Variants in RBFOX3 observed in about 807,000 individuals in gnomAD.
The protein encoded by RBFOX3 is RNA binding protein fox-1 homolog 3.
Under a neutral mutation model 48.7 loss-of-function variants are expected in RBFOX3, and 17 were observed. The ratio of observed to expected loss-of-function variants is 0.35; its 90% CI spans 0.24 to 0.52. The LOEUF is 0.52. RBFOX3 is among the 20% of genes least tolerant of loss of function. The pLI is 0.94. For synonymous variants in RBFOX3, 212 were observed against 209.5 expected, an observed-to-expected ratio of 1.01 and a Z score of -0.10; for missense variants, 382 against 497.5, an observed-to-expected ratio of 0.77 and a Z score of 2.21.
chr17:79,255,222 C>CGT (rs142604866), intron 3 of RBFOX3, among the ~76,000 whole-genome samples: 37,630 of 147,280 alleles, frequency 0.26, 4,727 homozygotes, highest in Middle Eastern at 0.35. Flanking sequence ...CACATGTGTG[C>CGT]GTGTGTGTGT....
chr17:79,106,886 C>CT, intron 5 of RBFOX3, 98 bp from the exon 6 acceptor site: 1 of 1,407,400 alleles, frequency 7.1e-7, no homozygotes, highest in African/African-American at 1.5e-5. Flanking sequence ...CCAGATTCTC[C>CT]CCACCCTTCT....
intron 1 of RBFOX3, among the ~76,000 whole-genome samples, chr17:79,565,480 C>A (rs1039890994): frequency 6.6e-6 from 1 of 152,028 alleles, no homozygotes; most frequent in East Asian, 1.9e-4. Context: ...GCTGAGATTA[C>A]AGGCATGCAC....
chr17:79,097,676 C>T lies in RBFOX3; in HGVS notation c.622+16G>A. 2 of 1,542,294 alleles carry T rather than the reference C, an allele frequency of 1.3e-6. No individual in the cohort carries two copies. The highest frequency in any genetic ancestry group is 1.8e-6 in the Non-Finnish European group (2 of 1,139,340). ...TAGCTGGTCTCATCCCATCCCCGCC[C>T]CGCCCCAGCTTTTACCTGCATAGAA... is the stretch of plus-strand genomic sequence containing the variant. On this transcript the variant is annotated intron_variant, in intron 10 of 14. Transcript: ENST00000693108.
At chr17:79,110,871 A>G (rs182760702) in intron 5 of RBFOX3, among the ~76,000 whole-genome samples, 94 of 152,276 alleles carry the variant, frequency 6.2e-4, no homozygotes, top group African/African-American at 2.2e-3. Context: ...ATCTCAGCTG[A>G]GCCTCACTGT....
intron 1 of RBFOX3, among the ~76,000 whole-genome samples, chr17:79,517,976 C>A (rs1341017782): frequency 6.6e-6 from 1 of 152,136 alleles, no homozygotes; most frequent in African/African-American, 2.4e-5. Context: ...AGAAACCGAA[C>A]GAGACTCCCA....
intron 2 of RBFOX3, among the ~76,000 whole-genome samples, chr17:79,409,590 G>A (rs1170944560): frequency 6.6e-6 from 1 of 151,974 alleles, no homozygotes; most frequent in African/African-American, 2.4e-5. Flanking sequence ...AAGTCCATAA[G>A]GCATGTGCAG....
At chr17:79,452,826 C>CG (rs1317770210) in intron 2 of RBFOX3, among the ~76,000 whole-genome samples, 2 of 152,180 alleles carry the variant, frequency 1.3e-5, no homozygotes, top group African/African-American at 4.8e-5. Flanking sequence ...TTGCACAACC[C>CG]GGGGGCATTG....
At chr17:79,320,014 T>C (rs1462428610) in intron 2 of RBFOX3, among the ~76,000 whole-genome samples, 1 of 150,368 alleles carries the variant, frequency 6.7e-6, no homozygotes, top group Non-Finnish European at 1.5e-5. Context: ...GGGCTGCTGG[T>C]CCTTTCTGGG....
rs564935707 is a variant in RBFOX3, at chr17:79,249,297, AAGTC to A, written c.-73-13496_-73-13493del. Among the ~76,000 whole-genome samples, 145 of 152,144 alleles carry A rather than the reference AAGTC, an allele frequency of 9.5e-4. No individual in the cohort carries two copies. The highest frequency in any genetic ancestry group is 1.9e-3 in the Non-Finnish European group (129 of 67,986). On this transcript the variant is annotated intron_variant, in intron 3 of 14. Transcript: ENST00000693108. This position sits in a 1 kb window ranked among gnomAD's most constrained non-coding sequence, Gnocchi z 4.1. ...CTAGTGAGATGCTGAGCTGTGAACA[AAGTC>A]AGAGTCCACTCATAACCACCTCCCT...
At position 79,390,906 on chromosome 17, in the gene RBFOX3, G is replaced by A. The variant is rs1030385574; in HGVS notation, c.-174-83082C>T. 6.6e-6 allele frequency among the ~76,000 whole-genome samples: 1 copy of A among 152,160 alleles called. No individual in the cohort carries two copies. Among genetic ancestry groups the A allele is most frequent in the East Asian group, 1.9e-4 (1 of 5,180 alleles). ...GGATGAGCCCCTGGTGGGACTGCTC[G>A]GGTGCCGGCAGGGAGTTCCTGGACC... is the stretch of plus-strand genomic sequence containing the variant. On this transcript the variant is annotated intron_variant, in intron 2 of 14. Coordinates refer to ENST00000693108, the MANE Select transcript of RBFOX3 (RefSeq NM_001350451.2). The surrounding 1 kb of genome is among the most constrained non-coding windows in gnomAD (Gnocchi z 4.2).
At chr17:79,317,311 C>T (rs1017974921) in intron 2 of RBFOX3, among the ~76,000 whole-genome samples, 11 of 152,240 alleles carry the variant, frequency 7.2e-5, no homozygotes, top group South Asian at 2.1e-4. Context: ...TCAAACAGAA[C>T]GGCCATAAGG....
chr17:79,575,319 A>C (rs1035001431), intron 1 of RBFOX3, among the ~76,000 whole-genome samples: 5 of 152,236 alleles, frequency 3.3e-5, no homozygotes, highest in Admixed American at 3.3e-4. Context: ...AGTACATGGG[A>C]TAGGGGGGCA....
intron 1 of RBFOX3, among the ~76,000 whole-genome samples, chr17:79,532,692 A>G (rs2087992749): frequency 6.6e-6 from 1 of 152,184 alleles, no homozygotes; most frequent in South Asian, 2.1e-4. Flanking sequence ...AAGGGTGGAA[A>G]GGGGTTGTGG....
At chr17:79,396,072 C>T (rs1598507220) in intron 2 of RBFOX3, among the ~76,000 whole-genome samples, 1 of 152,358 alleles carries the variant, frequency 6.6e-6, no homozygotes, top group African/African-American at 2.4e-5. Flanking sequence ...TGAGTCCTTC[C>T]CCAGAACTCT....
At chr17:79,093,305 GAAC>G (rs764357632) in intron 14 of RBFOX3, among the ~76,000 whole-genome samples, 3 of 151,036 alleles carry the variant, frequency 2.0e-5, no homozygotes, top group Admixed American at 6.6e-5. Context: ...TCCCAGAAAA[GAAC>G]AACACAGCAA....
Position 79,480,244 on chromosome 17 carries a change from G to A in RBFOX3, c.-175+2210C>T, listed in dbSNP as rs2078585863. ...GGGGCCCCTGATGGTTTACGGAATG[G>A]GGTGACAGCCGTTTCAGCAGAGGAG... On this transcript the variant is annotated intron_variant, in intron 2 of 14. Coordinates refer to ENST00000693108, the MANE Select transcript of RBFOX3 (RefSeq NM_001350451.2). The surrounding 1 kb of genome is among the most constrained non-coding windows in gnomAD (Gnocchi z 4.8). Among the ~76,000 whole-genome samples, 1 of 152,142 alleles carries A rather than the reference G, an allele frequency of 6.6e-6. No individual in the cohort carries two copies. The highest frequency in any genetic ancestry group is 6.5e-5 in the Admixed American group (1 of 15,286).
chr17:79,389,504 T>C (rs1245008648), intron 2 of RBFOX3, among the ~76,000 whole-genome samples: 1 of 152,186 alleles, frequency 6.6e-6, no homozygotes, highest in Non-Finnish European at 1.5e-5. Context: ...AATTGACAAA[T>C]GCTACACATC....
At chr17:79,638,714 C>T in the RBFOX3 span, among the ~76,000 whole-genome samples, 1 of 152,128 alleles carries the variant, frequency 6.6e-6, no homozygotes, top group African/African-American at 2.4e-5. Flanking sequence ...TGAGCAAGTT[C>T]TTGCTCTATT....
intron 4 of RBFOX3, among the ~76,000 whole-genome samples, chr17:79,194,110 A>G (rs370172748): frequency 6.6e-6 from 1 of 152,132 alleles, no homozygotes; most frequent in East Asian, 1.9e-4. Context: ...AACAGAGATG[A>G]TTTTATCATG....
Sources: allele counts gnomAD v4.1 joint callset (sites outside exome capture counted in the v4.1 genomes callset), GRCh38; gene constraint gnomAD v4.1.1; non-coding constraint Gnocchi (gnomAD v3.1); transcripts MANE v1.5; gene names NCBI Gene and HGNC (gene_info 2026-07-23, HGNC 2026-07-21).